The following CTSE variants were observed in gnomAD, a reference collection of about 807,000 sequenced individuals.
CTSE encodes the protein erythrocyte membrane aspartic proteinase.
A neutral mutation model predicts 42.8 loss-of-function variants in CTSE; 43 were observed. That is an observed-to-expected ratio of 1.01 (90% CI 0.79 to 1.30). The LOEUF (loss-of-function observed/expected upper bound fraction) is 1.30, where lower values mean the gene tolerates loss of function less well. CTSE is among the 50% of genes most tolerant of loss of function. The pLI is 0.00. For missense variants in CTSE, 532 were observed against 493.5 expected (o/e 1.08, Z -0.74); for synonymous variants, 205 against 191.5 (o/e 1.07, Z -0.58).
At chr1:206,010,399 G>GTACT in intron 8 of CTSE, 52 bp from the exon 9 acceptor site, 1 of 1,488,352 alleles carries the variant, frequency 6.7e-7, no homozygotes, top group Non-Finnish European at 9.4e-7. Flanking sequence ...GAAGGTAGTA[G>GTACT]TACTGCCTGG....
intron 2 of CTSE, 77 bp downstream of exon 2, chr1:206,022,823 GT>G: frequency 7.5e-7 from 1 of 1,332,824 alleles, no homozygotes; most frequent in Non-Finnish European, 1.0e-6. Context: ...TGCTACTGAT[GT>G]GGCACTGGCC....
chr1:206,016,813 C>T (rs921662797), intron 4 of CTSE, among the ~76,000 whole-genome samples: 2 of 152,100 alleles, frequency 1.3e-5, no homozygotes, highest in Non-Finnish European at 2.9e-5. Context: ...CAACACCACA[C>T]GTCTACATTA....
At position 206,012,659 on chromosome 1, in the gene CTSE, C is replaced by T. The variant is rs1237999627; in HGVS notation, c.786-10G>A. On this transcript the variant is annotated splice_polypyrimidine_tract_variant and intron_variant, in intron 6 of 8. Transcript: ENST00000358184. ...GCCTCCCACCTGGATGCTGAGGGGA[C>T]AGGGTTGTGGTCGGCCCACCTTCCC... 2.5e-6 allele frequency: 4 copies of T among 1,612,610 alleles called. No individual in the cohort carries two copies. The highest frequency in any genetic ancestry group is 1.7e-5 in the Admixed American group (1 of 59,962).
intron 1 of CTSE, 46 bp from the exon 2 acceptor site, chr1:206,023,103 C>G: frequency 1.3e-6 from 2 of 1,564,830 alleles, no homozygotes; most frequent in African/African-American, 1.4e-5. Flanking sequence ...TTCTGCCTCC[C>G]TCTTCCCCCC....
chr1:206,020,218 G>C (rs797032729), intron 4 of CTSE, among the ~76,000 whole-genome samples: 16 of 149,710 alleles, frequency 1.1e-4, no homozygotes, highest in African/African-American at 3.9e-4. Context: ...GTATACACAC[G>C]CATACATAGT....
rs1349508703 is a variant in CTSE at position 206,009,268 on chromosome 1, A to T, written c.*915T>A. 1 of 152,032 alleles carries T rather than the reference A, an allele frequency of 6.6e-6. No individual in the cohort carries two copies. The highest frequency in any genetic ancestry group is 1.5e-5 in the Non-Finnish European group (1 of 68,002). 9.4% of individuals were successfully genotyped at this position (152,032 alleles called of 1,614,324 possible). A position where few individuals can be genotyped will look rare whatever the true frequency, so the allele number is the denominator to read the frequency against. ...ATGACCACTGAAACGATCAGGTAAA[A>T]TGCTGAACTTTGTAATGAATGATTA... On this transcript the variant is annotated 3_prime_UTR_variant, in exon 9 of 9. Coordinates refer to ENST00000358184, the MANE Select transcript of CTSE (RefSeq NM_001910.4).
chr1:206,011,437 G>T (rs1661096971), intron 8 of CTSE, among the ~76,000 whole-genome samples: 1 of 151,998 alleles, frequency 6.6e-6, no homozygotes, highest in Non-Finnish European at 1.5e-5. Context: ...GATGAACAGG[G>T]CTCAGTCTAA....
chr1:206,014,382 G>C (rs1371892574), intron 5 of CTSE, among the ~76,000 whole-genome samples: 1 of 152,004 alleles, frequency 6.6e-6, no homozygotes, highest in African/African-American at 2.4e-5. Context: ...TATTTTCATT[G>C]GTATTGATTT....
At chr1:206,013,950 T>C in intron 5 of CTSE, 56 bp from the exon 6 acceptor site, 1 of 1,594,636 alleles carries the variant, frequency 6.3e-7, no homozygotes, top group Middle Eastern at 2.0e-4. Context: ...ACTCTAGGGG[T>C]GAGCCTCAGC....
At chr1:206,020,167 T>C (rs1661376065) in intron 4 of CTSE, among the ~76,000 whole-genome samples, 2 of 147,994 alleles carry the variant, frequency 1.4e-5, no homozygotes, top group Non-Finnish European at 3.0e-5. Flanking sequence ...CATATATTCA[T>C]ATATGGATAT....
intron 4 of CTSE, among the ~76,000 whole-genome samples, chr1:206,020,754 C>T (rs950090267): frequency 9.2e-5 from 14 of 152,034 alleles, no homozygotes; most frequent in Non-Finnish European, 1.9e-4. Context: ...GGTTTTATCT[C>T]CTCAATGCCC....
chr1:206,016,194 G>A (rs1553277723), intron 4 of CTSE, 64 bp from the exon 5 acceptor site: 2 of 1,483,922 alleles, frequency 1.3e-6, no homozygotes, highest in Non-Finnish European at 1.9e-6. Flanking sequence ...CAAAGGGTTT[G>A]ACTCCTGGAT....
intron 3 of CTSE, among the ~76,000 whole-genome samples, chr1:206,021,727 T>C (rs1661430813): frequency 6.6e-6 from 1 of 151,958 alleles, no homozygotes; most frequent in South Asian, 2.1e-4. Context: ...CCCACCTGTG[T>C]GCACCAGGAG....
rs372172027 is a variant in CTSE at position 206,021,429 on chromosome 1, A to G, written c.344-262T>C. On this transcript the variant is annotated intron_variant, in intron 3 of 8. Transcript: ENST00000358184. Reference sequence around the variant, plus strand: ...ATGACCTCATGAGGCACACCAAGATAAGTGTCATTTATCAGGCGCCAGCCA... The same window carrying G: ...ATGACCTCATGAGGCACACCAAGATGAGTGTCATTTATCAGGCGCCAGCCA... 246 of 406,302 alleles carry G rather than the reference A, an allele frequency of 6.1e-4. 1 individual carries two copies. Among genetic ancestry groups the G allele is most frequent in the African/African-American group, 4.5e-3 (220 of 48,410 alleles). The allele number at this position is 406,302 out of a possible 1,614,324, so 25.2% of individuals were successfully genotyped here. A position where few individuals can be genotyped will look rare whatever the true frequency, so the allele number is the denominator to read the frequency against.
At chr1:206,010,376 A>G (rs782679139) in intron 8 of CTSE, 29 bp from the exon 9 acceptor site, 1 of 1,592,384 alleles carries the variant, frequency 6.3e-7, no homozygotes, top group African/African-American at 1.3e-5. Context: ...GATGCAAATG[A>G]CAAACGGGGG....
intron 3 of CTSE, among the ~76,000 whole-genome samples, chr1:206,021,778 C>T (rs1296509240): frequency 6.6e-6 from 1 of 152,084 alleles, no homozygotes; most frequent in African/African-American, 2.4e-5. Context: ...AGACTATCTA[C>T]ACTAGAACCC....
chr1:206,013,794 A>C lies in CTSE; in HGVS notation c.763T>G (p.Tyr255Asp). 6.2e-7 allele frequency: 1 copy of C among 1,613,872 alleles called. No homozygotes were observed. Among genetic ancestry groups the C allele is most frequent in the Non-Finnish European group, 8.5e-7 (1 of 1,179,870 alleles). ...LNWVPVTKQA[Y>D]WQIALDNIQV... ...CACTTATCCAGTGCAATCTGCCAGT[A>C]AGCTTGCTTGGTGACTGGGACCCAA... Residue 255 changes from tyrosine (Y) to aspartate (D), a missense_variant, in exon 6 of 9, where the codon TAC becomes GAC. Physicochemically the swap from Tyr to Asp is radical, Grantham distance 160. Transcript: ENST00000358184.
At chr1:206,016,739 T>G (rs1661276161) in intron 4 of CTSE, among the ~76,000 whole-genome samples, 1 of 152,136 alleles carries the variant, frequency 6.6e-6, no homozygotes, top group Non-Finnish European at 1.5e-5. Flanking sequence ...GCAAGTCAGA[T>G]GACTGTGTTG....
At chr1:206,014,813 T>C (rs1416282156) in intron 5 of CTSE, among the ~76,000 whole-genome samples, 1 of 151,958 alleles carries the variant, frequency 6.6e-6, no homozygotes, top group Admixed American at 6.6e-5. Flanking sequence ...GAAGCAGAGG[T>C]GTCTAGACAA....
Sources: allele counts gnomAD v4.1 joint callset (sites outside exome capture counted in the v4.1 genomes callset), GRCh38; gene constraint gnomAD v4.1.1; transcripts MANE v1.5; gene names NCBI Gene and HGNC (gene_info 2026-07-23, HGNC 2026-07-21).